Variants in MIDEAS observed in about 807,000 individuals in gnomAD.
MIDEAS encodes the protein mitotic deacetylase associated SANT domain protein.
A neutral mutation model predicts 102.7 loss-of-function variants in MIDEAS; 26 were observed. The ratio of observed to expected loss-of-function variants is 0.25; its 90% CI spans 0.19 to 0.35. The LOEUF is 0.35. MIDEAS is among the 10% of genes least tolerant of loss of function. MIDEAS has a pLI of 1.00. For missense variants in MIDEAS, 1,231 were observed against 1,435.6 expected (o/e 0.86, Z 2.30); for synonymous variants, 585 against 591.0 (o/e 0.99, Z 0.15).
chr14:73,719,223 C>A, intron 12 of MIDEAS, 82 bp downstream of exon 12: 2 of 1,205,198 alleles, frequency 1.7e-6, no homozygotes, highest in Non-Finnish European at 1.1e-6. Flanking sequence ...TGTACCTCTT[C>A]CCCCTCCCCT....
intron 1 of MIDEAS, among the ~76,000 whole-genome samples, chr14:73,778,959 A>G (rs1000839860): frequency 2.6e-5 from 4 of 152,002 alleles, no homozygotes; most frequent in African/African-American, 9.7e-5. Context: ...ATCTGTTCAC[A>G]TGTTCATTTA....
chr14:73,733,588 C>CA (rs1260067998), intron 3 of MIDEAS, among the ~76,000 whole-genome samples: 3 of 152,278 alleles, frequency 2.0e-5, no homozygotes, highest in African/African-American at 7.2e-5. Flanking sequence ...GACTCCATCT[C>CA]AAACCCCTGC....
At chr14:73,743,531 C>A (rs2053309441) in intron 1 of MIDEAS, among the ~76,000 whole-genome samples, 1 of 152,136 alleles carries the variant, frequency 6.6e-6, no homozygotes, top group Non-Finnish European at 1.5e-5. Flanking sequence ...ACCCCATGGG[C>A]TTCTCCCAGC....
At chr14:73,727,178 A>T (rs539727721) in intron 5 of MIDEAS, 1 of 660,574 alleles carries the variant, frequency 1.5e-6, no homozygotes, top group African/African-American at 1.8e-5. Flanking sequence ...AGAGGGGAGA[A>T]GCAGCTGCAG....
At chr14:73,788,033 A>T (rs935691364), upstream of MIDEAS, among the ~76,000 whole-genome samples, 1 of 152,224 alleles carries the variant, frequency 6.6e-6, no homozygotes, top group African/African-American at 2.4e-5. Context: ...TCACCTTATT[A>T]AAAAGTACAA....
intron 1 of MIDEAS, among the ~76,000 whole-genome samples, chr14:73,779,357 T>G (rs1186575403): frequency 7.1e-6 from 1 of 140,350 alleles, no homozygotes; most frequent in Non-Finnish European, 1.5e-5. Flanking sequence ...ATTGCACCAC[T>G]GCACTCCAGC....
intron 1 of MIDEAS, among the ~76,000 whole-genome samples, chr14:73,785,516 G>A (rs2053799012): frequency 6.6e-6 from 1 of 152,156 alleles, no homozygotes. Context: ...GCACAATAAA[G>A]GAATTAGGAC....
chr14:73,781,976 G>A (rs1214651590), intron 1 of MIDEAS, among the ~76,000 whole-genome samples: 1 of 152,120 alleles, frequency 6.6e-6, no homozygotes, highest in Non-Finnish European at 1.5e-5. Flanking sequence ...AGAATCGCTT[G>A]AACCTGGGGT....
At chr14:73,777,789 C>A (rs569689444) in intron 1 of MIDEAS, among the ~76,000 whole-genome samples, 1 of 152,002 alleles carries the variant, frequency 6.6e-6, no homozygotes, top group East Asian at 1.9e-4. Context: ...TGACATGCCT[C>A]TCTCTCCTGG....
chr14:73,768,826 T>G (rs754377928), intron 1 of MIDEAS, among the ~76,000 whole-genome samples: 1 of 151,984 alleles, frequency 6.6e-6, no homozygotes, highest in Non-Finnish European at 1.5e-5. Flanking sequence ...AAACTAAAAA[T>G]CAGAACTTCT....
chr14:73,781,689 G>A (rs1454104032), intron 1 of MIDEAS, among the ~76,000 whole-genome samples: 6 of 128,668 alleles, frequency 4.7e-5, no homozygotes, highest in African/African-American at 1.5e-4. Context: ...AGCCAAGATC[G>A]TGCCATTGCA....
At chr14:73,734,292 T>C (rs943982427) in intron 3 of MIDEAS, among the ~76,000 whole-genome samples, 7 of 152,208 alleles carry the variant, frequency 4.6e-5, no homozygotes, top group Non-Finnish European at 8.8e-5. Flanking sequence ...CCAGGATACA[T>C]GTTTTAATAT....
In MIDEAS at chr14:73,715,377, C is replaced by T. The variant is rs896482141; in HGVS notation, c.*3466G>A. ...AAAAAAGGATGCCACAGGCAGCAAA[C>T]ACACAAAAGGCAGTGTCTGATCATT... On this transcript the variant is annotated 3_prime_UTR_variant, in exon 13 of 13. Coordinates refer to ENST00000423556, the MANE Select transcript of MIDEAS (RefSeq NM_001367710.1). The T allele has an allele frequency of 3.3e-5, 5 of 152,586 alleles. No homozygotes were observed. Among genetic ancestry groups the T allele is most frequent in the African/African-American group, 1.2e-4 (5 of 41,426 alleles). The allele number at this position is 152,586 out of a possible 1,614,324, so 9.5% of individuals were successfully genotyped here. A position where few individuals can be genotyped will look rare whatever the true frequency, so the allele number is the denominator to read the frequency against.
In MIDEAS at chr14:73,737,244, C is replaced by A; in HGVS notation, c.1503G>T (p.Lys501Asn). Residue 501 changes from lysine to asparagine, a missense_variant, in exon 3 of 13, where the codon AAG (lysine) becomes AAT (asparagine). Physicochemically the swap from Lys to Asn is moderately conservative, Grantham distance 94. Around this residue, in one of 5 missense-constraint regions of MIDEAS, gnomAD observed 758 missense variants for 856.0 expected, o/e 0.89. Transcript: ENST00000423556. Reference protein sequence around the residue: ...KRKSVLASTTKCGVEFSEPSL... With the variant: ...KRKSVLASTTNCGVEFSEPSL... ...AAGGCTCAGAAAACTCCACCCCACA[C>A]TTGGTAGTTGAGGCCAATACACTTT... is the stretch of plus-strand genomic sequence containing the variant. 1 of 1,614,136 alleles carries A rather than the reference C, an allele frequency of 6.2e-7. No individual in the cohort carries two copies. The highest frequency in any genetic ancestry group is 8.5e-7 in the Non-Finnish European group (1 of 1,179,978).
At chr14:73,764,237 G>A (rs2053575088), upstream of MIDEAS, among the ~76,000 whole-genome samples, 1 of 151,498 alleles carries the variant, frequency 6.6e-6, no homozygotes, top group East Asian at 1.9e-4. Context: ...CTACTCGGGA[G>A]GCTGAGACAT....
chr14:73,772,283 TA>T (rs1282658443), intron 1 of MIDEAS, among the ~76,000 whole-genome samples: 1 of 152,048 alleles, frequency 6.6e-6, no homozygotes, highest in Non-Finnish European at 1.5e-5. Context: ...GTCTTATAAA[TA>T]AAAAAAAGAT....
chr14:73,783,117 C>G (rs893161919), intron 1 of MIDEAS, among the ~76,000 whole-genome samples: 1 of 152,132 alleles, frequency 6.6e-6, no homozygotes, highest in Non-Finnish European at 1.5e-5. Flanking sequence ...TTTATTCACC[C>G]AAAGGCTCAT....
At chr14:73,756,295 T>TGTGTGTGTGTGTGTGTGC (rs55692592) in intron 1 of MIDEAS, among the ~76,000 whole-genome samples, 61 of 127,716 alleles carry the variant, frequency 4.8e-4, no homozygotes, top group Admixed American at 1.3e-3. Context: ...TGTGTGTGTG[T>TGTGTGTGTGTGTGTGTGC]GCGCGCGCGC....
chr14:73,781,875 G>A (rs2053761148), intron 1 of MIDEAS, among the ~76,000 whole-genome samples: 1 of 152,066 alleles, frequency 6.6e-6, no homozygotes, highest in Non-Finnish European at 1.5e-5. Context: ...TGGCCAACAT[G>A]GGGAAACCTT....
Sources: gnomAD v4.1 joint callset for allele counts (sites outside exome capture counted in the v4.1 genomes callset) on GRCh38, gnomAD v4.1.1 for gene constraint, gnomAD v4.1.1 regional missense constraint, MANE v1.5 for transcripts, NCBI Gene and HGNC (gene_info 2026-07-23, HGNC 2026-07-21) for gene names.